GRM1: variants seen among roughly 807,000 people sequenced by gnomAD.
GRM1 encodes the protein glutamate metabotropic receptor 1.
In GRM1, 33 loss-of-function variants were observed where a neutral mutation model predicts 90.9. The ratio of observed to expected loss-of-function variants is 0.36; its 90% CI spans 0.28 to 0.49. The LOEUF is 0.49. GRM1 is among the 20% of genes least tolerant of loss of function. The pLI, the probability that GRM1 is intolerant of heterozygous loss-of-function variation, is 0.99. For missense variants in GRM1, 1,190 were observed against 1,534.3 expected, an observed-to-expected ratio of 0.78 and a Z score of 3.75; for synonymous variants, 700 against 613.2, an observed-to-expected ratio of 1.14 and a Z score of -2.09.
intron 1 of GRM1, among the ~76,000 whole-genome samples, chr6:146,104,041 A>G (rs1370900418): frequency 6.6e-6 from 1 of 152,152 alleles, no homozygotes; most frequent in Non-Finnish European, 1.5e-5. Context: ...GCAGCTGTGT[A>G]AGATGTCTGG....
chr6:146,397,049 C>T (rs1300029185), intron 6 of GRM1, among the ~76,000 whole-genome samples: 2 of 152,116 alleles, frequency 1.3e-5, no homozygotes, highest in Middle Eastern at 3.4e-3. Flanking sequence ...AATGCGGGCA[C>T]GAGGGGGTCC....
chr6:146,366,649 G>A (rs1188650064), intron 5 of GRM1, among the ~76,000 whole-genome samples: 2 of 152,086 alleles, frequency 1.3e-5, no homozygotes, highest in South Asian at 2.1e-4. Flanking sequence ...GCTCATTCAT[G>A]TTTCTGCAAA....
chr6:146,372,710 A>C (rs751296411), intron 5 of GRM1, among the ~76,000 whole-genome samples: 9 of 152,106 alleles, frequency 5.9e-5, no homozygotes, highest in Admixed American at 1.3e-4. Context: ...CATTTATTAA[A>C]GATGATGTCT....
chr6:146,087,494 C>G (rs1300725361), intron 1 of GRM1, among the ~76,000 whole-genome samples: 1 of 152,018 alleles, frequency 6.6e-6, no homozygotes, highest in Admixed American at 6.6e-5. Context: ...AAAATTTTGT[C>G]ACATGTGTAG....
At chr6:146,234,231 AAGTG>A (rs992824969) in intron 2 of GRM1, among the ~76,000 whole-genome samples, 30 of 152,024 alleles carry the variant, frequency 2.0e-4, no homozygotes, top group African/African-American at 6.7e-4. Flanking sequence ...TTCATACTTT[AAGTG>A]AGTATCTTTC....
intron 1 of GRM1, among the ~76,000 whole-genome samples, chr6:146,093,043 G>A (rs542586884): frequency 3.3e-5 from 5 of 152,068 alleles, no homozygotes; most frequent in East Asian, 1.9e-4. Flanking sequence ...CACATTATTC[G>A]TCTTAGGTAT....
At chr6:146,254,928 C>G (rs1009009679) in intron 2 of GRM1, among the ~76,000 whole-genome samples, 5 of 152,104 alleles carry the variant, frequency 3.3e-5, no homozygotes, top group Non-Finnish European at 5.9e-5. Context: ...TGGCTGATGG[C>G]ATAGTTTTAG....
At chr6:146,186,485 A>C (rs1459899073) in intron 2 of GRM1, among the ~76,000 whole-genome samples, 1 of 152,116 alleles carries the variant, frequency 6.6e-6, no homozygotes, top group Non-Finnish European at 1.5e-5. Context: ...TCCCTTGCCA[A>C]ATGCAGCCAA....
intron 5 of GRM1, among the ~76,000 whole-genome samples, chr6:146,376,738 A>G (rs1182800431): frequency 4.6e-5 from 7 of 152,052 alleles, no homozygotes; most frequent in African/African-American, 1.4e-4. Context: ...ATGATTATTA[A>G]GTGCCTTGAG....
At chr6:146,144,422 G>A (rs1777011267) in intron 1 of GRM1, among the ~76,000 whole-genome samples, 1 of 152,318 alleles carries the variant, frequency 6.6e-6, no homozygotes, top group South Asian at 2.1e-4. Context: ...AGAGACTTGA[G>A]CTACCACACT....
At chr6:146,286,552 T>C (rs532804259) in intron 2 of GRM1, among the ~76,000 whole-genome samples, 1 of 152,304 alleles carries the variant, frequency 6.6e-6, no homozygotes, top group African/African-American at 2.4e-5. Context: ...ATCACAGGAA[T>C]CTTTGCAAGA....
intron 5 of GRM1, among the ~76,000 whole-genome samples, chr6:146,363,696 T>C (rs140480604): frequency 6.6e-6 from 1 of 152,344 alleles, no homozygotes; most frequent in Non-Finnish European, 1.5e-5. Context: ...ATAGGTGTGT[T>C]CTCAGCTATT....
intron 2 of GRM1, among the ~76,000 whole-genome samples, chr6:146,264,977 A>G (rs1236911646): frequency 6.6e-6 from 1 of 152,150 alleles, no homozygotes; most frequent in Non-Finnish European, 1.5e-5. Context: ...TGCTCTTGTG[A>G]ACAGTGCTCT....
At position 146,366,302 on chromosome 6, in the gene GRM1, A is replaced by ATCTCCTCAATATT. The variant is rs1273365478; in HGVS notation, c.1602+8609_1602+8610insCTCCTCAATATTT. ...TAATGATCAAATCTGGGTCAGTGGG[A>ATCTCCTCAATATT]TATCCATCTCCTCAAATATTTATCA... On this transcript the variant is annotated intron_variant, in intron 5 of 7. Transcript: ENST00000282753. Among the ~76,000 whole-genome samples the ATCTCCTCAATATT allele has an allele frequency of 2.2e-4, 34 of 152,110 alleles. 1 individual carries two copies. Among genetic ancestry groups the ATCTCCTCAATATT allele is most frequent in the African/African-American group, 8.0e-4 (33 of 41,446 alleles).
At chr6:146,327,745 G>A (rs1304451361) in intron 3 of GRM1, among the ~76,000 whole-genome samples, 1 of 152,042 alleles carries the variant, frequency 6.6e-6, no homozygotes, top group African/African-American at 2.4e-5. Flanking sequence ...CCAGGCTTCC[G>A]GAAAAGACTG....
chr6:146,260,709 A>G (rs1299971684), intron 2 of GRM1, among the ~76,000 whole-genome samples: 1 of 151,012 alleles, frequency 6.6e-6, no homozygotes, highest in Non-Finnish European at 1.5e-5. Flanking sequence ...CCTGATGATT[A>G]ATGAGCAGCT....
At chr6:146,092,634 G>A (rs1225158588) in intron 1 of GRM1, among the ~76,000 whole-genome samples, 1 of 151,958 alleles carries the variant, frequency 6.6e-6, no homozygotes, top group African/African-American at 2.4e-5. Context: ...CAGGCTTTCT[G>A]ACTCTCCCCA....
chr6:146,315,287 T>A (rs1344446814), intron 3 of GRM1, among the ~76,000 whole-genome samples: 1 of 152,078 alleles, frequency 6.6e-6, no homozygotes, highest in East Asian at 1.9e-4. Flanking sequence ...CTTGGGAGGC[T>A]GAGGTGGGAG....
chr6:146,378,189 G>A (rs1776182024), intron 5 of GRM1, among the ~76,000 whole-genome samples: 1 of 152,192 alleles, frequency 6.6e-6, no homozygotes, highest in South Asian at 2.1e-4. Context: ...CTAGGGAAGT[G>A]CAGAAGGAAA....
Sources: allele counts gnomAD v4.1 joint callset (sites outside exome capture counted in the v4.1 genomes callset), GRCh38; gene constraint gnomAD v4.1.1; transcripts MANE v1.5; gene names NCBI Gene and HGNC (gene_info 2026-07-23, HGNC 2026-07-21).